SCRIB: variants seen among roughly 807,000 people sequenced by gnomAD.
SCRIB encodes the protein scribble planar cell polarity protein.
A neutral mutation model predicts 170.0 loss-of-function variants in SCRIB; 72 were observed. The observed-to-expected ratio is 0.42, with a 90% CI of 0.35 to 0.52. The LOEUF (loss-of-function observed/expected upper bound fraction) is 0.52. Ranked by LOEUF, SCRIB falls within the 20% of genes least tolerant of loss-of-function variation. The pLI is 0.02. For synonymous variants in SCRIB, 1,298 were observed against 1,044.3 expected, an observed-to-expected ratio of 1.24 and a Z score of -4.68; for missense variants, 2,475 against 2,338.5, an observed-to-expected ratio of 1.06 and a Z score of -1.20.
In SCRIB at chr8:143,805,133, T is replaced by C; in HGVS notation, c.2649A>G (p.Thr883=). 1 of 1,585,268 alleles carries C rather than the reference T, an allele frequency of 6.3e-7. No individual in the cohort carries two copies. The highest frequency in any genetic ancestry group is 2.3e-5 in the East Asian group (1 of 44,394). The change falls in exon 19 of 37, where the codon ACA becomes ACG. Residue 883 remains threonine (T), a synonymous_variant. Coordinates refer to ENST00000356994, the MANE Select transcript of SCRIB (RefSeq NM_182706.5). ...GFSIAGGKGS[T]PYRAGDAGIF... is the part of the protein sequence containing the mutation. ...TCACCGCATCACCAGCCCTGTAGGG[T>C]GTGGAGCCTTTCCCACCAGCAATGC...
At position 143,803,579 on chromosome 8, in the gene SCRIB, G is replaced by A. The variant is rs782150325; in HGVS notation, c.3415-8C>T. On this transcript the variant is annotated splice_polypyrimidine_tract_variant and splice_region_variant and intron_variant, in intron 23 of 36. Transcript: ENST00000356994. ...TGCCCCCGTGGGGCTCACCTGTGGG[G>A]AGACGTGGTATGGGAGAGACCTGTT... The A allele has an allele frequency of 1.3e-5, 21 of 1,576,848 alleles. No individual in the cohort carries two copies. The highest frequency in any genetic ancestry group is 1.5e-5 in the Non-Finnish European group (18 of 1,163,194).
At chr8:143,803,611 T>G (rs1203204912) in intron 23 of SCRIB, 36 bp downstream of exon 23, 5 of 395,454 alleles carry the variant, frequency 1.3e-5, no homozygotes, top group African/African-American at 1.0e-4. Context: ...TGTTGGGGGG[T>G]GGGGCCCAGG....
chr8:143,812,348 T>C lies in SCRIB; in HGVS notation c.824A>G (p.Gln275Arg), dbSNP rs753277888. The C allele has an allele frequency of 1.2e-5, 20 of 1,613,682 alleles. No homozygotes were observed. In the South Asian group the frequency reaches 2.0e-4, roughly 16 times the overall value. Reference protein sequence around the residue: ...LKQLSILKVDQNRLCEVTEAI... With the variant: ...LKQLSILKVDRNRLCEVTEAI... Reference sequence around the variant, plus strand: ...CTCGGTCACCTCGCACAGCCGATTCTGGTCTACCTTTAGGATGGATAGCTG... The same window carrying C: ...CTCGGTCACCTCGCACAGCCGATTCCGGTCTACCTTTAGGATGGATAGCTG... Residue 275 changes from glutamine to arginine, a missense_variant, in exon 9 of 37, where the codon CAG (glutamine) becomes CGG (arginine). Gln to Arg is a conservative substitution (Grantham distance 43, BLOSUM62 1). This residue lies in a region of SCRIB where 487 missense variants were observed against 558.1 expected (regional missense o/e 0.87). Transcript: ENST00000356994.
rs1443844039 is a variant in SCRIB at position 143,792,391 on chromosome 8, G to A, written c.4343C>T (p.Ser1448Phe). 11 of 1,505,312 alleles carry A rather than the reference G, an allele frequency of 7.3e-6. No homozygotes were observed. The highest frequency in any genetic ancestry group is 1.4e-5 in the African/African-American group (1 of 72,922). 93.2% of individuals were successfully genotyped at this position (1,505,312 alleles called of 1,614,324 possible). A position where few individuals can be genotyped will look rare whatever the true frequency, so the allele number is the denominator to read the frequency against. Residue 1448 changes from serine (S) to phenylalanine (F), a missense_variant, in exon 32 of 37, where the codon TCC becomes TTC. Ser to Phe is a radical substitution (Grantham distance 155). This residue lies in a region of SCRIB where 1,966 missense variants were observed against 1,742.9 expected (regional missense o/e 1.13). Coordinates refer to ENST00000356994, the MANE Select transcript of SCRIB (RefSeq NM_182706.5). ...PSPTSRQSPA[S>F]PPPLGGGAPV... is the part of the protein sequence containing the mutation. Reference sequence around the variant, plus strand: ...GGCGCCACCTCCCAGGGGTGGGGGGGACGCCGGGCTCTGCCTGGGGAAGGG... The same window carrying A: ...GGCGCCACCTCCCAGGGGTGGGGGGAACGCCGGGCTCTGCCTGGGGAAGGG...
intron 14 of SCRIB, 91 bp from the exon 15 acceptor site, chr8:143,809,116 C>T: frequency 6.9e-7 from 1 of 1,446,168 alleles, no homozygotes; most frequent in Non-Finnish European, 9.1e-7. Context: ...CAGACGGGCT[C>T]CGAAAGCCTC....
Position 143,814,530 on chromosome 8 carries a change from C to T in SCRIB, c.160-412G>A, listed in dbSNP as rs796752599. 3.9e-5 allele frequency among the ~76,000 whole-genome samples: 6 copies of T among 152,084 alleles called. No individual in the cohort carries two copies. In the South Asian group the frequency reaches 1.0e-3, roughly 26 times the overall value. ...GCAGCAAGAACTCAGTAAACGCTCC[C>T]CACAATAACACAGTACCACAGGCAC... On this transcript the variant is annotated intron_variant, in intron 1 of 36. Coordinates refer to ENST00000356994, the MANE Select transcript of SCRIB (RefSeq NM_182706.5).
At chr8:143,800,272 G>A (rs893433708) in intron 24 of SCRIB, among the ~76,000 whole-genome samples, 4 of 152,184 alleles carry the variant, frequency 2.6e-5, no homozygotes, top group South Asian at 2.1e-4. Flanking sequence ...CTCAACACCC[G>A]CTTCAGATAA....
In SCRIB at chr8:143,809,032, G is replaced by A. The variant is rs574462548; in HGVS notation, c.1699-7C>T. 1.5e-4 allele frequency: 243 copies of A among 1,604,270 alleles called. No individual in the cohort carries two copies. Among genetic ancestry groups the A allele is most frequent in the Non-Finnish European group, 2.0e-4 (234 of 1,175,152 alleles). ...CTGCGAAATGCACCGTGGGCTGTGC[G>A]GACAAAAGGGTGAGGGTGGCCCCAG... On this transcript the variant is annotated splice_polypyrimidine_tract_variant and splice_region_variant and intron_variant, in intron 14 of 36. Coordinates refer to ENST00000356994, the MANE Select transcript of SCRIB (RefSeq NM_182706.5).
At chr8:143,792,928 C>T in intron 29 of SCRIB, 48 bp downstream of exon 29, 1 of 1,498,462 alleles carries the variant, frequency 6.7e-7, no homozygotes, top group Non-Finnish European at 8.9e-7. Context: ...GGCCCCCGGG[C>T]ACCCACCCCA....
chr8:143,815,360 T>C lies in SCRIB; in HGVS notation c.13A>G (p.Ile5Val), dbSNP rs748798089. The C allele has an allele frequency of 1.3e-6, 2 of 1,524,874 alleles. No individual in the cohort carries two copies. The highest frequency in any genetic ancestry group is 3.9e-5 in the Admixed American group (2 of 51,358). The allele number at this position is 1,524,874 out of a possible 1,614,324, so 94.5% of individuals were successfully genotyped here. A position where few individuals can be genotyped will look rare whatever the true frequency, so the allele number is the denominator to read the frequency against. Residue 5 changes from isoleucine to valine, a missense_variant, in exon 1 of 37, where the codon ATC becomes GTC. By Grantham distance (29) the Ile-to-Val change is conservative (BLOSUM62 3). Transcript: ENST00000356994. Reference protein sequence around the residue: MLKCIPLWRCNRHVE... With the variant: MLKCVPLWRCNRHVE... ...TGCCGGTTGCAGCGCCACAGCGGGA[T>C]GCACTTGAGCATGGTGCGGGTGGGC...
intron 13 of SCRIB, 42 bp downstream of exon 13, chr8:143,810,437 C>T: frequency 6.3e-7 from 1 of 1,594,806 alleles, no homozygotes; most frequent in Non-Finnish European, 8.5e-7. Flanking sequence ...ACCACAGCTC[C>T]CGGGTCAGCG....
intron 27 of SCRIB, chr8:143,794,175 T>C (rs1188064156): frequency 8.8e-6 from 5 of 568,138 alleles, no homozygotes; most frequent in Non-Finnish European, 1.6e-5. Context: ...GGGCAGCTGC[T>C]GTCTCCATGG....
Position 143,808,913 on chromosome 8 carries a change from C to T in SCRIB, c.1811G>A (p.Arg604His), listed in dbSNP as rs1199367738. ...TLPGGRQRLI[R>H]KDTPHYKKHF... is the part of the protein sequence containing the mutation. ...CTTTTTGTAGTGAGGTGTGTCCTTG[C>T]GGATGAGCCGCTGCCTCCCGCCTGG... Residue 604 changes from arginine (R) to histidine (H), a missense_variant, in exon 15 of 37, where the codon CGC becomes CAC. Coordinates refer to ENST00000356994, the MANE Select transcript of SCRIB (RefSeq NM_182706.5). 6 of 1,610,902 alleles carry T rather than the reference C, an allele frequency of 3.7e-6. No homozygotes were observed. Among genetic ancestry groups the T allele is most frequent in the African/African-American group, 1.3e-5 (1 of 75,046 alleles).
At chr8:143,796,295 C>G (rs557183027) in intron 24 of SCRIB, among the ~76,000 whole-genome samples, 1 of 152,272 alleles carries the variant, frequency 6.6e-6, no homozygotes, top group African/African-American at 2.4e-5. Flanking sequence ...CCAGAAGCAG[C>G]GGAGGAGGCA....
intron 24 of SCRIB, among the ~76,000 whole-genome samples, chr8:143,797,466 T>G (rs1554634269): frequency 6.6e-6 from 1 of 151,996 alleles, no homozygotes; most frequent in East Asian, 1.9e-4. Context: ...ATCAAGGTGC[T>G]GAGGCTCACA....
At chr8:143,799,240 C>T (rs1476542228) in intron 24 of SCRIB, among the ~76,000 whole-genome samples, 1 of 152,188 alleles carries the variant, frequency 6.6e-6, no homozygotes, top group African/African-American at 2.4e-5. Context: ...AGTTAACAGC[C>T]AGAGATGCAG....
At chr8:143,799,507 C>T (rs547383769) in intron 24 of SCRIB, among the ~76,000 whole-genome samples, 3 of 152,182 alleles carry the variant, frequency 2.0e-5, no homozygotes, top group South Asian at 2.1e-4. Flanking sequence ...AGAGGACTTG[C>T]GTCCTCATGC....
intron 21 of SCRIB, among the ~76,000 whole-genome samples, 171 bp downstream of exon 21, chr8:143,804,397 G>A (rs1815315314): frequency 6.6e-6 from 1 of 152,264 alleles, no homozygotes; most frequent in African/African-American, 2.4e-5. Flanking sequence ...ACCATACTGA[G>A]GAGTCTGGCT....
chr8:143,804,930 T>A lies in SCRIB; in HGVS notation c.2751+4A>T. The A allele has an allele frequency of 6.5e-7, 1 of 1,549,978 alleles. No homozygotes were observed. Among genetic ancestry groups the A allele is most frequent in the Non-Finnish European group, 8.7e-7 (1 of 1,154,122 alleles). Reference sequence around the variant, plus strand: ...GGGTGGGGCGGGGCCCCATCCCCACTCACAGAGAGGACGCGGTCGCCAACC... The same window carrying A: ...GGGTGGGGCGGGGCCCCATCCCCACACACAGAGAGGACGCGGTCGCCAACC... On this transcript the variant is annotated splice_donor_region_variant and intron_variant, in intron 20 of 36. Coordinates refer to ENST00000356994, the MANE Select transcript of SCRIB (RefSeq NM_182706.5).
Sources: allele counts gnomAD v4.1 joint callset (sites outside exome capture counted in the v4.1 genomes callset), GRCh38; gene constraint gnomAD v4.1.1; regional missense constraint gnomAD v4.1.1; transcripts MANE v1.5; gene names NCBI Gene and HGNC (gene_info 2026-07-23, HGNC 2026-07-21).